The following TRIM54 variants were observed in gnomAD, a reference collection of about 807,000 sequenced individuals.
TRIM54 encodes the protein tripartite motif-containing protein 54.
A neutral mutation model predicts 42.0 loss-of-function variants in TRIM54; 40 were observed. The ratio of observed to expected loss-of-function variants is 0.95; its 90% confidence interval spans 0.74 to 1.24. The LOEUF is 1.24. Ranked by LOEUF, TRIM54 falls within the 50% of genes most tolerant of loss-of-function variation. The pLI is 0.00. For missense variants in TRIM54, 485 were observed against 480.3 expected, an observed-to-expected ratio of 1.01 and a Z score of -0.09; for synonymous variants, 199 against 194.9, an observed-to-expected ratio of 1.02 and a Z score of -0.17.
Position 27,283,798 on chromosome 2 carries a change from A to ACGCG in TRIM54, c.168+900_168+901insGCGC, listed in dbSNP as rs1191148429. 2.2e-3 allele frequency among the ~76,000 whole-genome samples: 334 copies of ACGCG among 150,954 alleles called. 4 individuals carry two copies. The highest frequency in any genetic ancestry group is 7.8e-3 in the African/African-American group (320 of 41,034). ...CACACACGCGCGCACACACACACAC[A>ACGCG]CACACACACACACACACACACACGG... On this transcript the variant is annotated intron_variant, in intron 1 of 8. Transcript: ENST00000380075.
At chr2:27,285,674 C>G (rs1335370133) in intron 1 of TRIM54, among the ~76,000 whole-genome samples, 1 of 152,196 alleles carries the variant, frequency 6.6e-6, no homozygotes, top group African/African-American at 2.4e-5. Flanking sequence ...TGCCTTTGTT[C>G]ACTTACTCGC....
At chr2:27,301,883 G>T (rs1375971376) in intron 3 of TRIM54, among the ~76,000 whole-genome samples, 6 of 152,146 alleles carry the variant, frequency 3.9e-5, no homozygotes, top group African/African-American at 1.4e-4. Context: ...AGGCCGGGCG[G>T]TGGCTCACAC....
At chr2:27,303,096 G>A (rs1679079815) in intron 3 of TRIM54, among the ~76,000 whole-genome samples, 1 of 152,146 alleles carries the variant, frequency 6.6e-6, no homozygotes, top group Admixed American at 6.6e-5. Context: ...AAATCAGTGG[G>A]GGTGGGGAGG....
chr2:27,284,301 T>C (rs1678496389), intron 1 of TRIM54, among the ~76,000 whole-genome samples: 1 of 152,314 alleles, frequency 6.6e-6, no homozygotes, highest in African/African-American at 2.4e-5. Flanking sequence ...AATACTTCCC[T>C]TTTTAAGTTC....
At chr2:27,294,889 CAAAA>C (rs57097129) in intron 1 of TRIM54, among the ~76,000 whole-genome samples, 2 of 52,794 alleles carry the variant, frequency 3.8e-5, no homozygotes, top group Admixed American at 2.5e-4. Context: ...GACTCCATCT[CAAAA>C]AAAAAAAAAA....
chr2:27,299,149 C>A, intron 2 of TRIM54, 96 bp from the exon 3 acceptor site: 1 of 1,401,742 alleles, frequency 7.1e-7, no homozygotes, highest in Non-Finnish European at 9.8e-7. Context: ...GCTGCAGGGG[C>A]GGAGAAGGTG....
At chr2:27,282,948 G>T in intron 1 of TRIM54, 49 bp downstream of exon 1, 2 of 1,568,536 alleles carry the variant, frequency 1.3e-6, no homozygotes, top group South Asian at 1.2e-5. Context: ...GCAGACCTGT[G>T]GGGGACTGAT....
At chr2:27,297,074 C>G (rs1243146225) in intron 1 of TRIM54, among the ~76,000 whole-genome samples, 3 of 152,196 alleles carry the variant, frequency 2.0e-5, no homozygotes, top group Non-Finnish European at 4.4e-5. Flanking sequence ...TACCATGTGT[C>G]TTGTTAAAAC....
Position 27,283,782 on chromosome 2 carries a change from G to GCACACACA in TRIM54, c.168+884_168+885insACACACAC, listed in dbSNP as rs1294495519. On this transcript the variant is annotated intron_variant, in intron 1 of 8. Coordinates refer to ENST00000380075, the MANE Select transcript of TRIM54 (RefSeq NM_187841.3). ...GGCAAAGGCACACACACACACACGC[G>GCACACACA]CGCACACACACACACACACACACAC... 5.6e-4 allele frequency among the ~76,000 whole-genome samples: 48 copies of GCACACACA among 86,342 alleles called. 1 individual carries two copies. Among genetic ancestry groups the GCACACACA allele is most frequent in the African/African-American group, 1.6e-3 (32 of 20,546 alleles). 56.6% of individuals were successfully genotyped at this position (86,342 alleles called of 152,430 possible). A position where few individuals can be genotyped will look rare whatever the true frequency, so the allele number is the denominator to read the frequency against.
intron 2 of TRIM54, 103 bp downstream of exon 2, chr2:27,298,842 G>GA (rs1268978811): frequency 1.6e-6 from 2 of 1,273,382 alleles, no homozygotes; most frequent in African/African-American, 2.9e-5. Context: ...CAACCTGCCT[G>GA]TTCTGTCTAG....
At chr2:27,290,741 T>G (rs1462817006) in intron 1 of TRIM54, among the ~76,000 whole-genome samples, 1 of 152,250 alleles carries the variant, frequency 6.6e-6, no homozygotes, top group Non-Finnish European at 1.5e-5. Flanking sequence ...AGCTGTGATT[T>G]CCGTTGGTGA....
rs192240298 is a variant in TRIM54 at position 27,287,729 on chromosome 2, A to G, written c.168+4830A>G. Among the ~76,000 whole-genome samples the G allele has an allele frequency of 8.3e-4, 127 of 152,290 alleles. 1 individual carries two copies. The highest frequency in any genetic ancestry group is 2.9e-3 in the African/African-American group (120 of 41,560). On this transcript the variant is annotated intron_variant, in intron 1 of 8. Coordinates refer to ENST00000380075, the MANE Select transcript of TRIM54 (RefSeq NM_187841.3). ...GTTTTTGTACAGACAAAGTCTTACT[A>G]TGTTGCCCAAGCTGGTCTCAAACTC...
intron 1 of TRIM54, among the ~76,000 whole-genome samples, chr2:27,285,589 A>C (rs1678535017): frequency 6.6e-6 from 1 of 152,308 alleles, no homozygotes; most frequent in East Asian, 1.9e-4. Context: ...TCTTGGGAAT[A>C]CTTCCAGAAA....
chr2:27,304,465 T>C (rs75662315), intron 3 of TRIM54, among the ~76,000 whole-genome samples: 6,606 of 82,250 alleles, frequency 0.08, 209 homozygotes, highest in Non-Finnish European at 0.12. Flanking sequence ...ATGATAGATT[T>C]GTCTGAAAAC....
chr2:27,306,588 C>T lies in TRIM54; in HGVS notation c.*1+46C>T. 1 of 1,478,136 alleles carries T rather than the reference C, an allele frequency of 6.8e-7. No homozygotes were observed. Among genetic ancestry groups the T allele is most frequent in the Non-Finnish European group, 9.0e-7 (1 of 1,109,190 alleles). 91.6% of individuals were successfully genotyped at this position (1,478,136 alleles called of 1,614,324 possible). On this transcript the variant is annotated intron_variant, in intron 8 of 8. Transcript: ENST00000380075. The surrounding 1 kb of genome is among the most constrained non-coding windows in gnomAD (Gnocchi z 6.1). ...CTTAAGGTGAGAGCGGCCTGAGGGG[C>T]TTGGGGTGGGGCCTGGCTGGTGTGC...
At chr2:27,301,853 A>G (rs1372905849) in intron 3 of TRIM54, among the ~76,000 whole-genome samples, 1 of 152,036 alleles carries the variant, frequency 6.6e-6, no homozygotes, top group African/African-American at 2.4e-5. Flanking sequence ...GCGTTACTCC[A>G]CTTAGTTTTA....
chr2:27,292,012 C>T (rs1464393060), intron 1 of TRIM54, among the ~76,000 whole-genome samples: 3 of 152,222 alleles, frequency 2.0e-5, no homozygotes, highest in Non-Finnish European at 4.4e-5. Flanking sequence ...CCCGATTTCT[C>T]TCTCCCAAGA....
intron 1 of TRIM54, among the ~76,000 whole-genome samples, chr2:27,291,873 G>A (rs1311903248): frequency 6.6e-6 from 1 of 152,168 alleles, no homozygotes; most frequent in Non-Finnish European, 1.5e-5. Context: ...GGGACTGGGG[G>A]ATGAAAGCTA....
chr2:27,283,778 ACGCGCG>A (rs796470453), intron 1 of TRIM54, among the ~76,000 whole-genome samples: 51 of 102,308 alleles, frequency 5.0e-4, no homozygotes, highest in Admixed American at 1.4e-3. Context: ...ACACACACAC[ACGCGCG>A]CACACACACA....
Sources: allele counts gnomAD v4.1 joint callset (sites outside exome capture counted in the v4.1 genomes callset), GRCh38; gene constraint gnomAD v4.1.1; non-coding constraint Gnocchi (gnomAD v3.1); transcripts MANE v1.5; gene names NCBI Gene and HGNC (gene_info 2026-07-23, HGNC 2026-07-21).